Variants in CDC123 observed in about 807,000 individuals in gnomAD.
CDC123 encodes the protein translation initiation factor eIF2 assembly protein.
CDC123 carries 37 observed loss-of-function variants against 54.4 expected under a neutral mutation model. That is an observed-to-expected ratio of 0.68 (90% confidence interval 0.52 to 0.89). The LOEUF (loss-of-function observed/expected upper bound fraction) is 0.89, where lower values mean the gene tolerates loss of function less well. Ranked by LOEUF, CDC123 falls within the 40% of genes least tolerant of loss-of-function variation. The pLI, the probability that CDC123 is intolerant of heterozygous loss-of-function variation, is 0.00. For missense variants in CDC123, 361 were observed against 412.1 expected (o/e 0.88, Z 1.07); for synonymous variants, 144 against 136.8 (o/e 1.05, Z -0.37).
At chr10:12,223,694 T>G (rs1835766992) in intron 6 of CDC123, among the ~76,000 whole-genome samples, 1 of 152,204 alleles carries the variant, frequency 6.6e-6, no homozygotes, top group Admixed American at 6.5e-5. Flanking sequence ...GCAGAAAAGC[T>G]AAGTCTTCTT....
rs1324772749 is a variant in CDC123, at chr10:12,210,342, A to T, written c.237+20A>T. 1 of 1,614,068 alleles carries T rather than the reference A, an allele frequency of 6.2e-7. No homozygotes were observed. Among genetic ancestry groups the T allele is most frequent in the Admixed American group, 1.7e-5 (1 of 60,002 alleles). ...CTTACGGTAAGAGCACAGCAGACTC[A>T]GCGTGGGGACAGCCTCACACTGTCA... is the stretch of plus-strand genomic sequence containing the variant. On this transcript the variant is annotated intron_variant, in intron 4 of 12. Transcript: ENST00000281141.
At chr10:12,210,571 C>A (rs537095925) in intron 4 of CDC123, among the ~76,000 whole-genome samples, 1 of 152,286 alleles carries the variant, frequency 6.6e-6, no homozygotes, top group East Asian at 1.9e-4. Context: ...GCCTTGACTT[C>A]TGTTAAGCTC....
chr10:12,235,004 C>T, intron 7 of CDC123, 44 bp from the exon 8 acceptor site: 1 of 1,458,814 alleles, frequency 6.9e-7, no homozygotes, highest in Non-Finnish European at 9.6e-7. Flanking sequence ...GTAGACCTTA[C>T]CACATAGGTG....
At chr10:12,234,467 C>T (rs1267984003) in intron 7 of CDC123, among the ~76,000 whole-genome samples, 3 of 152,218 alleles carry the variant, frequency 2.0e-5, no homozygotes, top group African/African-American at 7.2e-5. Flanking sequence ...TGATCGCCCG[C>T]CTCAGTCTCC....
At chr10:12,226,623 G>T (rs545709924) in intron 6 of CDC123, among the ~76,000 whole-genome samples, 1 of 151,396 alleles carries the variant, frequency 6.6e-6, no homozygotes, top group South Asian at 2.1e-4. Context: ...CAGACGGGGC[G>T]GCGGGGCAGA....
chr10:12,225,665 A>G (rs1835801221), intron 6 of CDC123, among the ~76,000 whole-genome samples: 1 of 149,202 alleles, frequency 6.7e-6, no homozygotes, highest in South Asian at 2.2e-4. Context: ...ACCCAATACC[A>G]TCTGCCATTT....
chr10:12,202,220 A>G (rs1016226708), intron 2 of CDC123, among the ~76,000 whole-genome samples: 1 of 152,240 alleles, frequency 6.6e-6, no homozygotes, highest in Non-Finnish European at 1.5e-5. Flanking sequence ...CCGTCACTCC[A>G]TTCAAAACAT....
chr10:12,243,609 C>T (rs1200541950), intron 10 of CDC123, among the ~76,000 whole-genome samples: 2 of 145,372 alleles, frequency 1.4e-5, no homozygotes, highest in Middle Eastern at 7.1e-3. Flanking sequence ...ACAGTGAAAC[C>T]CTGTCTCTAC....
chr10:12,221,206 T>TA (rs1229223437), intron 6 of CDC123, among the ~76,000 whole-genome samples: 2 of 152,054 alleles, frequency 1.3e-5, no homozygotes, highest in African/African-American at 4.8e-5. Flanking sequence ...ACATGGGATT[T>TA]AAAAAATACA....
chr10:12,224,970 A>G (rs1209583565), intron 6 of CDC123, among the ~76,000 whole-genome samples: 2 of 151,650 alleles, frequency 1.3e-5, no homozygotes, highest in African/African-American at 4.9e-5. Context: ...CCTTTTCCCT[A>G]TTTCTTCCTT....
chr10:12,217,815 G>A (rs535503757), intron 6 of CDC123, among the ~76,000 whole-genome samples: 2 of 152,138 alleles, frequency 1.3e-5, no homozygotes, highest in Non-Finnish European at 2.9e-5. Flanking sequence ...GGCCGGGCGC[G>A]GTGGCTCACG....
At chr10:12,240,512 C>G (rs769726725) in intron 10 of CDC123, among the ~76,000 whole-genome samples, 72 of 152,316 alleles carry the variant, frequency 4.7e-4, no homozygotes, top group African/African-American at 1.7e-3. Context: ...ACTCTTACGT[C>G]AAAAGACATC....
intron 6 of CDC123, 111 bp from the exon 7 acceptor site, chr10:12,230,837 T>G (rs1835891589): frequency 3.0e-6 from 3 of 997,340 alleles, no homozygotes; most frequent in African/African-American, 3.3e-5. Flanking sequence ...GTCTCCTGTT[T>G]CTGGATGCTT....
At chr10:12,213,205 C>T (rs111975656) in intron 4 of CDC123, among the ~76,000 whole-genome samples, 90 of 152,262 alleles carry the variant, frequency 5.9e-4, no homozygotes, top group Non-Finnish European at 1.1e-3. Context: ...TTACTGTTTG[C>T]GCAAAGAAAA....
chr10:12,222,675 A>G (rs927113373), intron 6 of CDC123, among the ~76,000 whole-genome samples: 1 of 152,206 alleles, frequency 6.6e-6, no homozygotes, highest in African/African-American at 2.4e-5. Context: ...AAATTTGTTA[A>G]TTGTTTCTCT....
At chr10:12,217,812 C>T (rs771555825) in intron 6 of CDC123, among the ~76,000 whole-genome samples, 4 of 152,304 alleles carry the variant, frequency 2.6e-5, no homozygotes, top group East Asian at 1.9e-4. Flanking sequence ...CATGGCCGGG[C>T]GCGGTGGCTC....
intron 7 of CDC123, among the ~76,000 whole-genome samples, chr10:12,231,872 GT>G (rs1390262659): frequency 6.6e-6 from 1 of 151,728 alleles, no homozygotes; most frequent in Admixed American, 6.6e-5. Context: ...TTGAGATACA[GT>G]TTTGCTCTGT....
chr10:12,218,247 C>CTT (rs34125393), intron 6 of CDC123, among the ~76,000 whole-genome samples: 1,294 of 119,184 alleles, frequency 0.011, 32 homozygotes, highest in Non-Finnish European at 0.015. Flanking sequence ...CTTTTTTTTT[C>CTT]TTTTTTTTTT....
At chr10:12,196,994 T>A (rs945660601) in intron 1 of CDC123, among the ~76,000 whole-genome samples, 1 of 152,220 alleles carries the variant, frequency 6.6e-6, no homozygotes, top group African/African-American at 2.4e-5. Flanking sequence ...TGAGCCAACA[T>A]TTCAGTAATT....
Sources: gnomAD v4.1 joint callset for allele counts (sites outside exome capture counted in the v4.1 genomes callset) on GRCh38, gnomAD v4.1.1 for gene constraint, MANE v1.5 for transcripts, NCBI Gene and HGNC (gene_info 2026-07-23, HGNC 2026-07-21) for gene names.